Variants in ZC3H12B observed in about 807,000 individuals in gnomAD.
The protein encoded by ZC3H12B is zinc finger CCCH-type containing 12B.
Under a neutral mutation model 43.9 loss-of-function variants are expected in ZC3H12B, and 7 were observed. The observed-to-expected ratio is 0.16, with a 90% CI of 0.09 to 0.30. The LOEUF is 0.30. Ranked by LOEUF, ZC3H12B falls within the 10% of genes least tolerant of loss-of-function variation. The probability of loss-of-function intolerance (pLI) is 1.00; values close to 1 mark genes in which losing one functional copy is unlikely to be tolerated. For missense variants in ZC3H12B, 475 were observed against 670.2 expected, an observed-to-expected ratio of 0.71 and a Z score of 3.22; for synonymous variants, 222 against 241.7, an observed-to-expected ratio of 0.92 and a Z score of 0.76.
chrX:65,450,215 G>C (rs4459008), intron 3 of ZC3H12B, among the ~76,000 whole-genome samples: 2 of 101,479 alleles, frequency 2.0e-5, no homozygotes, highest in African/African-American at 7.3e-5. Flanking sequence ...TGAGGCAGGA[G>C]AATTACTTGA....
the ZC3H12B span, among the ~76,000 whole-genome samples, chrX:65,067,935 C>T: frequency 2.0e-3 from 224 of 110,369 alleles, no homozygotes; most frequent in African/African-American, 7.0e-3. Flanking sequence ...ATGTTATATT[C>T]TATTATCATT....
chrX:65,071,266 A>T, the ZC3H12B span, among the ~76,000 whole-genome samples: 1 of 101,318 alleles, frequency 9.9e-6, no homozygotes, highest in Non-Finnish European at 2.0e-5. Context: ...TGAAATTAGA[A>T]TTGCAACCTC....
At chrX:65,372,881 G>T (rs2066267168) in intron 2 of ZC3H12B, among the ~76,000 whole-genome samples, 1 of 111,677 alleles carries the variant, frequency 9.0e-6, no homozygotes, top group South Asian at 3.7e-4. Flanking sequence ...CACAGGAAAA[G>T]ACTGAAAAAG....
Position 65,438,252 on chromosome X carries a change from C to A in ZC3H12B, n.407+39548C>A, listed in dbSNP as rs1458306746. 1.1e-4 allele frequency among the ~76,000 whole-genome samples: 12 copies of A among 111,151 alleles called. 1 individual carries two copies. The highest frequency in any genetic ancestry group is 2.3e-4 in the Non-Finnish European group (12 of 52,972). ...ATTTTTAAAGTATTTTTTTTTATTT[C>A]TGTGAAGAATGTCATTGATACTTTG... On this transcript the variant is annotated intron_variant and non_coding_transcript_variant, in intron 3 of 5. Transcript: ENST00000617377.
the ZC3H12B span, among the ~76,000 whole-genome samples, chrX:65,251,956 G>A: frequency 2.7e-5 from 3 of 111,761 alleles, no homozygotes; most frequent in Admixed American, 2.9e-4. Context: ...GCCCTGGCCA[G>A]AACTTCCAAC....
At chrX:65,087,650 G>C in the ZC3H12B span, among the ~76,000 whole-genome samples, 5 of 111,723 alleles carry the variant, frequency 4.5e-5, no homozygotes, top group Admixed American at 4.8e-4. Context: ...GCATGAAAAT[G>C]AGACTTTGGA....
the ZC3H12B span, among the ~76,000 whole-genome samples, chrX:65,267,199 CT>C: frequency 2.7e-3 from 247 of 90,198 alleles, no homozygotes; most frequent in Admixed American, 7.2e-3. Flanking sequence ...TTCTTTCTTT[CT>C]TTTTTTTTTT....
At chrX:65,170,671 C>G in the ZC3H12B span, among the ~76,000 whole-genome samples, 1 of 111,780 alleles carries the variant, frequency 8.9e-6, no homozygotes, top group Non-Finnish European at 1.9e-5. Flanking sequence ...TCAGGTACAC[C>G]AATGAGACGT....
chrX:65,173,987 C>T, the ZC3H12B span, among the ~76,000 whole-genome samples: 3 of 111,630 alleles, frequency 2.7e-5, no homozygotes, highest in Non-Finnish European at 5.6e-5. Flanking sequence ...TTTCTTCTAG[C>T]TGTCAGGCCT....
At chrX:65,137,062 A>ATT in the ZC3H12B span, among the ~76,000 whole-genome samples, 1 of 111,900 alleles carries the variant, frequency 8.9e-6, no homozygotes, top group Non-Finnish European at 1.9e-5. Flanking sequence ...ACTTTACATT[A>ATT]TTTACCATTT....
chrX:65,227,755 C>T, the ZC3H12B span, among the ~76,000 whole-genome samples: 4 of 110,949 alleles, frequency 3.6e-5, no homozygotes, highest in Non-Finnish European at 7.6e-5. Context: ...CTACAAACAC[C>T]TCTACGCAAA....
At chrX:65,364,708 G>A (rs757960772), upstream of ZC3H12B, among the ~76,000 whole-genome samples, 56 of 111,262 alleles carry the variant, frequency 5.0e-4, no homozygotes, top group Non-Finnish European at 9.2e-4. Flanking sequence ...CCACTAGCCC[G>A]CCTCTTAGAA....
At chrX:65,189,511 T>A in the ZC3H12B span, among the ~76,000 whole-genome samples, 1 of 109,060 alleles carries the variant, frequency 9.2e-6, no homozygotes, top group South Asian at 3.9e-4. Context: ...AGATGGTATC[T>A]CATAGTGGTT....
At chrX:65,457,459 G>C (rs866166538) in intron 3 of ZC3H12B, among the ~76,000 whole-genome samples, 1 of 77,303 alleles carries the variant, frequency 1.3e-5, no homozygotes, top group African/African-American at 6.4e-5. Context: ...TCAGCCCCCC[G>C]CCCGGCCAGC....
the ZC3H12B span, among the ~76,000 whole-genome samples, chrX:65,250,455 A>G: frequency 8.9e-6 from 1 of 111,847 alleles, no homozygotes; most frequent in African/African-American, 3.2e-5. Flanking sequence ...TATACTCAAT[A>G]ATGGGATGTC....
intron 2 of ZC3H12B, among the ~76,000 whole-genome samples, chrX:65,391,586 G>C (rs1173948655): frequency 9.0e-6 from 1 of 111,680 alleles, no homozygotes; most frequent in South Asian, 3.7e-4. Flanking sequence ...ATTGTTTGCT[G>C]GTCCCTTGGG....
chrX:65,160,674 A>G, the ZC3H12B span, among the ~76,000 whole-genome samples: 6 of 110,999 alleles, frequency 5.4e-5, no homozygotes, highest in Middle Eastern at 4.6e-3. Context: ...AGTCTTGCTA[A>G]TGGTGTATCA....
At chrX:65,153,406 A>G in the ZC3H12B span, among the ~76,000 whole-genome samples, 3 of 112,381 alleles carry the variant, frequency 2.7e-5, no homozygotes, top group African/African-American at 3.2e-5. Context: ...AACCCCATCA[A>G]AAAGTGGGCG....
intron 3 of ZC3H12B, among the ~76,000 whole-genome samples, chrX:65,400,932 T>C (rs2066754880): frequency 9.0e-6 from 1 of 111,184 alleles, no homozygotes; most frequent in South Asian, 3.8e-4. Context: ...AATCCAAAGG[T>C]AATGTTAGTT....
Sources: gnomAD v4.1 joint callset for allele counts (sites outside exome capture counted in the v4.1 genomes callset) on GRCh38, gnomAD v4.1.1 for gene constraint, MANE v1.5 for transcripts, NCBI Gene and HGNC (gene_info 2026-07-23, HGNC 2026-07-21) for gene names.